Variants in RUNDC3B observed in about 807,000 individuals in gnomAD.
RUNDC3B encodes RUN domain-containing protein 3B.
A neutral mutation model predicts 58.4 loss-of-function variants in RUNDC3B; 33 were observed. The observed-to-expected ratio is 0.56, with a 90% CI of 0.43 to 0.75. RUNDC3B has a LOEUF of 0.75. RUNDC3B is among the 30% of genes least tolerant of loss of function. RUNDC3B has a pLI of 0.00. For missense variants in RUNDC3B, 501 were observed against 535.7 expected, an observed-to-expected ratio of 0.94 and a Z score of 0.64; for synonymous variants, 193 against 195.2, an observed-to-expected ratio of 0.99 and a Z score of 0.10.
intron 1 of RUNDC3B, among the ~76,000 whole-genome samples, chr7:87,641,279 C>A (rs941789247): frequency 6.6e-6 from 1 of 152,134 alleles, no homozygotes; most frequent in Non-Finnish European, 1.5e-5. Context: ...AGAAAGATAT[C>A]GCCAACAGTT....
At chr7:87,701,826 T>C (rs1436264271) in intron 3 of RUNDC3B, among the ~76,000 whole-genome samples, 1 of 152,004 alleles carries the variant, frequency 6.6e-6, no homozygotes, top group East Asian at 1.9e-4. Flanking sequence ...GTAAAGACAC[T>C]AAAGAGATTA....
At chr7:87,701,979 T>A (rs1166162500) in intron 3 of RUNDC3B, among the ~76,000 whole-genome samples, 3 of 151,566 alleles carry the variant, frequency 2.0e-5, no homozygotes, top group Non-Finnish European at 4.4e-5. Context: ...CCGTCTCTAC[T>A]GAAAATATAA....
intron 7 of RUNDC3B, among the ~76,000 whole-genome samples, chr7:87,771,628 C>A (rs911459204): frequency 6.6e-6 from 1 of 152,102 alleles, no homozygotes; most frequent in Non-Finnish European, 1.5e-5. Context: ...GAAACATACA[C>A]CTAACACAAG....
chr7:87,649,726 A>G (rs1823384075), intron 1 of RUNDC3B, among the ~76,000 whole-genome samples: 1 of 152,184 alleles, frequency 6.6e-6, no homozygotes, highest in Non-Finnish European at 1.5e-5. Context: ...TCCAAATCTC[A>G]TCTTGAATTG....
chr7:87,741,579 G>C lies in RUNDC3B; in HGVS notation c.629G>C (p.Ser210Thr). ...ACACCATATTTGAAGTATATCCAAA[G>C]GTATGTGACATTTTGAGATATGTTT... is the stretch of plus-strand genomic sequence containing the variant. ...DYTPYLKYIQ[S>T]SDSISSDEEE... Residue 210 changes from serine to threonine, a missense_variant and splice_region_variant, in exon 6 of 11, where the codon AGT becomes ACT. Coordinates refer to ENST00000394654, the MANE Select transcript of RUNDC3B (RefSeq NM_001134405.2). 6.6e-7 allele frequency: 1 copy of C among 1,516,448 alleles called. No individual in the cohort carries two copies. The highest frequency in any genetic ancestry group is 1.2e-5 in the South Asian group (1 of 84,400). 93.9% of individuals were successfully genotyped at this position (1,516,448 alleles called of 1,614,324 possible). A position where few individuals can be genotyped will look rare whatever the true frequency, so the allele number is the denominator to read the frequency against.
chr7:87,646,343 C>T (rs1287401412), intron 1 of RUNDC3B, among the ~76,000 whole-genome samples: 7 of 152,054 alleles, frequency 4.6e-5, no homozygotes, highest in African/African-American at 1.7e-4. Context: ...AGTGTTATTC[C>T]TGGAGAACAT....
intron 2 of RUNDC3B, among the ~76,000 whole-genome samples, chr7:87,659,051 G>C (rs571032121): frequency 6.6e-6 from 1 of 152,086 alleles, no homozygotes. Flanking sequence ...CTATTTGGGC[G>C]GCTGAGGTGG....
intron 1 of RUNDC3B, 140 bp downstream of exon 1, chr7:87,629,085 A>T: frequency 1.3e-6 from 1 of 797,582 alleles, no homozygotes; most frequent in Non-Finnish European, 1.7e-6. Context: ...CAAATCTGTG[A>T]GCGCGCAGCT....
chr7:87,720,509 G>A (rs1830812389), intron 4 of RUNDC3B, among the ~76,000 whole-genome samples: 2 of 150,936 alleles, frequency 1.3e-5, no homozygotes, highest in Non-Finnish European at 3.0e-5. Flanking sequence ...GCAAAAGATA[G>A]GATATCACAA....
At chr7:87,640,190 G>A (rs1001792312) in intron 1 of RUNDC3B, among the ~76,000 whole-genome samples, 3 of 147,764 alleles carry the variant, frequency 2.0e-5, no homozygotes, top group Non-Finnish European at 3.0e-5. Context: ...ATATATATAT[G>A]TGTATATATA....
intron 2 of RUNDC3B, among the ~76,000 whole-genome samples, chr7:87,689,991 T>TA (rs2130639873): frequency 6.6e-6 from 1 of 151,976 alleles, no homozygotes; most frequent in Middle Eastern, 3.4e-3. Context: ...GATTTTTTTT[T>TA]AAAAATTTTT....
intron 4 of RUNDC3B, among the ~76,000 whole-genome samples, chr7:87,719,528 T>C (rs1761236447): frequency 6.6e-6 from 1 of 151,870 alleles, no homozygotes; most frequent in Non-Finnish European, 1.5e-5. Context: ...AAAAGAAAGC[T>C]GTAGTATAGG....
chr7:87,759,658 T>A lies in RUNDC3B; in HGVS notation c.630-10923T>A, dbSNP rs79909306. Among the ~76,000 whole-genome samples, 1,057 of 151,908 alleles carry A rather than the reference T, an allele frequency of 7.0e-3. 9 individuals are homozygous for A. Among genetic ancestry groups the A allele is most frequent in the East Asian group, 0.048 (246 of 5,148 alleles). ...CAAAAAAAATTAAAAATTAGCCAGATGTAGTGGTGTTTTCCTGTAGTCCTA... is the reference window on the plus strand; with the variant it reads ...CAAAAAAAATTAAAAATTAGCCAGAAGTAGTGGTGTTTTCCTGTAGTCCTA... On this transcript the variant is annotated intron_variant, in intron 6 of 10. Coordinates refer to ENST00000394654, the MANE Select transcript of RUNDC3B (RefSeq NM_001134405.2).
intron 7 of RUNDC3B, among the ~76,000 whole-genome samples, chr7:87,776,029 T>C (rs111792653): frequency 6.6e-6 from 1 of 152,298 alleles, no homozygotes; most frequent in Non-Finnish European, 1.5e-5. Context: ...ATGAATTTAA[T>C]GAACCACAGT....
intron 1 of RUNDC3B, among the ~76,000 whole-genome samples, chr7:87,650,115 C>T (rs1218842468): frequency 6.6e-6 from 1 of 152,124 alleles, no homozygotes; most frequent in East Asian, 1.9e-4. Flanking sequence ...CTCAGAAACT[C>T]TCAAAAGCAT....
chr7:87,785,311 G>A (rs1369377219), intron 8 of RUNDC3B, among the ~76,000 whole-genome samples: 1 of 152,044 alleles, frequency 6.6e-6, no homozygotes, highest in Admixed American at 6.6e-5. Flanking sequence ...CTGGTCTTGT[G>A]GAAGGAAGGA....
At chr7:87,693,845 T>A in intron 2 of RUNDC3B, 2 of 1,541,268 alleles carry the variant, frequency 1.3e-6, no homozygotes, top group Non-Finnish European at 8.8e-7. Flanking sequence ...AGTTTGGAAC[T>A]GTAAACATGA....
intron 2 of RUNDC3B, chr7:87,693,958 G>A (rs935115096): frequency 5.6e-6 from 9 of 1,611,640 alleles, no homozygotes; most frequent in Non-Finnish European, 7.6e-6. Context: ...ACCTCTTCAA[G>A]GTACTCTATG....
At chr7:87,699,674 G>A (rs1828842311) in intron 2 of RUNDC3B, among the ~76,000 whole-genome samples, 1 of 152,206 alleles carries the variant, frequency 6.6e-6, no homozygotes, top group Non-Finnish European at 1.5e-5. Context: ...CCAAAGTGCT[G>A]AGATTACAAG....
Sources: gnomAD v4.1 joint callset for allele counts (sites outside exome capture counted in the v4.1 genomes callset) on GRCh38, gnomAD v4.1.1 for gene constraint, MANE v1.5 for transcripts, NCBI Gene and HGNC (gene_info 2026-07-23, HGNC 2026-07-21) for gene names.